The following PLD1 variants were observed in gnomAD, a reference collection of about 807,000 sequenced individuals.
PLD1 encodes choline phosphatase 1.
Under a neutral mutation model 137.1 loss-of-function variants are expected in PLD1, and 112 were observed. The ratio of observed to expected loss-of-function variants is 0.82; its 90% CI spans 0.70 to 0.96. The LOEUF (loss-of-function observed/expected upper bound fraction) is 0.96, where lower values mean the gene tolerates loss of function less well. PLD1 is among the 40% of genes least tolerant of loss of function. The pLI is 0.00. For missense variants in PLD1, 1,321 were observed against 1,342.0 expected (o/e 0.98, Z 0.24); for synonymous variants, 431 against 454.7 (o/e 0.95, Z 0.66).
chr3:171,612,689 T>C lies in PLD1; in HGVS notation c.2729-257A>G, dbSNP rs553092711. Among the ~76,000 whole-genome samples the C allele has an allele frequency of 7.9e-5, 12 of 152,266 alleles. No individual in the cohort carries two copies. In the South Asian group the frequency reaches 2.1e-3, roughly 26 times the overall value. Reference sequence around the variant, plus strand: ...GCTCTTGACATGGTGCTAGCCAATGTGACATGAAGGAAAGCTTCTGAGAAA... The same window carrying C: ...GCTCTTGACATGGTGCTAGCCAATGCGACATGAAGGAAAGCTTCTGAGAAA... On this transcript the variant is annotated intron_variant, in intron 24 of 26. Coordinates refer to ENST00000351298, the MANE Select transcript of PLD1 (RefSeq NM_002662.5). The surrounding 1 kb of genome is among the most constrained non-coding windows in gnomAD (Gnocchi z 4.1).
intron 12 of PLD1, among the ~76,000 whole-genome samples, chr3:171,697,237 C>CTTTTTTTTGT (rs1715795761): frequency 1.0e-5 from 1 of 97,316 alleles, no homozygotes; most frequent in Non-Finnish European, 2.1e-5. Context: ...TTCCGGACAC[C>CTTTTTTTTGT]TTTTTTTTTT....
intron 1 of PLD1, among the ~76,000 whole-genome samples, chr3:171,739,758 C>G (rs1719637322): frequency 6.6e-6 from 1 of 152,034 alleles, no homozygotes; most frequent in African/African-American, 2.4e-5. Context: ...GTAACTTGAC[C>G]AATATTTTAA....
intron 1 of PLD1, among the ~76,000 whole-genome samples, chr3:171,751,717 A>G (rs1456422556): frequency 6.6e-6 from 1 of 152,186 alleles, no homozygotes; most frequent in Non-Finnish European, 1.5e-5. Context: ...AAGTAATTTC[A>G]TGGCCAAGCG....
At chr3:171,780,642 TA>T (rs1220585712) in intron 1 of PLD1, among the ~76,000 whole-genome samples, 1 of 151,992 alleles carries the variant, frequency 6.6e-6, no homozygotes, top group Non-Finnish European at 1.5e-5. Flanking sequence ...AGAGATCAAT[TA>T]TGTCAAAGGA....
At chr3:171,751,031 A>T (rs752405554) in intron 1 of PLD1, among the ~76,000 whole-genome samples, 4 of 152,200 alleles carry the variant, frequency 2.6e-5, no homozygotes, top group Non-Finnish European at 5.9e-5. Context: ...TTCTTGGCAT[A>T]TGACAAAAGT....
rs530577758 is a variant in PLD1 at position 171,639,510 on chromosome 3, A to G, written c.2593+3330T>C. 1.3e-3 allele frequency among the ~76,000 whole-genome samples: 139 copies of G among 107,458 alleles called. 1 individual carries two copies. The highest frequency in any genetic ancestry group is 5.3e-3 in the African/African-American group (131 of 24,756). 70.5% of individuals were successfully genotyped at this position (107,458 alleles called of 152,430 possible). A position where few individuals can be genotyped will look rare whatever the true frequency, so the allele number is the denominator to read the frequency against. On this transcript the variant is annotated intron_variant, in intron 23 of 26. Coordinates refer to ENST00000351298, the MANE Select transcript of PLD1 (RefSeq NM_002662.5). ...AAATATTTTATTTAATACATAATAA[A>G]TAATATATATTCATATAATATATAT...
rs574000758 is a variant in PLD1 at position 171,605,214 on chromosome 3, A to G, written c.3000+85T>C. Reference sequence around the variant, plus strand: ...TTTACGTTTATTAAGAATACCCTGTACCAATAATATGCAGAAATAACAATA... The same window carrying G: ...TTTACGTTTATTAAGAATACCCTGTGCCAATAATATGCAGAAATAACAATA... On this transcript the variant is annotated intron_variant, in intron 26 of 26. Coordinates refer to ENST00000351298, the MANE Select transcript of PLD1 (RefSeq NM_002662.5). 17 of 840,274 alleles carry G rather than the reference A, an allele frequency of 2.0e-5. No individual in the cohort carries two copies. In the South Asian group the frequency reaches 2.0e-4, roughly 10 times the overall value. The allele number at this position is 840,274 out of a possible 1,614,324, so 52.1% of individuals were successfully genotyped here.
At chr3:171,644,794 G>A in intron 22 of PLD1, 116 bp downstream of exon 22, 1 of 687,014 alleles carries the variant, frequency 1.5e-6, no homozygotes, top group East Asian at 2.5e-5. Flanking sequence ...GTAAAATAAA[G>A]TGTTCATTTG....
At chr3:171,608,331 T>C (rs1442549680) in intron 25 of PLD1, among the ~76,000 whole-genome samples, 1 of 122,934 alleles carries the variant, frequency 8.1e-6, no homozygotes, top group African/African-American at 3.7e-5. Flanking sequence ...CTCAATATTA[T>C]AAAGGTGTCA....
rs561294172 is a variant in PLD1, at chr3:171,657,520, G to A, written c.2429+1693C>T. 7.9e-5 allele frequency among the ~76,000 whole-genome samples: 12 copies of A among 152,242 alleles called. No homozygotes were observed. In the South Asian group the frequency reaches 2.3e-3, roughly 29 times the overall value. On this transcript the variant is annotated intron_variant, in intron 21 of 26. Coordinates refer to ENST00000351298, the MANE Select transcript of PLD1 (RefSeq NM_002662.5). ...CAGCCATAAGAAGAAATTGTCCCTG[G>A]TGCCAAGACAATTCAATGTGGAAAG...
At chr3:171,649,750 C>T (rs1216176507) in intron 21 of PLD1, among the ~76,000 whole-genome samples, 1 of 152,200 alleles carries the variant, frequency 6.6e-6, no homozygotes. Context: ...TCTCAGGCTT[C>T]TTGTTAAAAG....
rs1020354877 is a variant in PLD1, at chr3:171,601,041, T to C, written c.*2037A>G. On this transcript the variant is annotated 3_prime_UTR_variant, in exon 27 of 27. Coordinates refer to ENST00000351298, the MANE Select transcript of PLD1 (RefSeq NM_002662.5). Reference sequence around the variant, plus strand: ...GAGGGTTCAAAACAGCTTAGAGGTATCTTGCCTGAATTCTGTTTACTGCAT... The same window carrying C: ...GAGGGTTCAAAACAGCTTAGAGGTACCTTGCCTGAATTCTGTTTACTGCAT... The C allele has an allele frequency of 2.0e-5, 3 of 152,216 alleles. No individual in the cohort carries two copies. Among genetic ancestry groups the C allele is most frequent in the Non-Finnish European group, 4.4e-5 (3 of 68,030 alleles). The allele number at this position is 152,216 out of a possible 1,614,324, so 9.4% of individuals were successfully genotyped here. A position where few individuals can be genotyped will look rare whatever the true frequency, so the allele number is the denominator to read the frequency against.
intron 21 of PLD1, among the ~76,000 whole-genome samples, chr3:171,652,305 C>CG (rs1352300916): frequency 7.3e-5 from 11 of 149,800 alleles, no homozygotes; most frequent in African/African-American, 2.5e-4. Context: ...CCCAGCTACT[C>CG]GGGAGGCTGA....
chr3:171,735,915 GCA>G (rs1335985640), intron 3 of PLD1, among the ~76,000 whole-genome samples: 6 of 152,000 alleles, frequency 3.9e-5, no homozygotes, highest in Admixed American at 6.6e-5. Flanking sequence ...ATGCATCCAC[GCA>G]CACACACACC....
At chr3:171,717,332 T>C (rs1376807395) in intron 8 of PLD1, among the ~76,000 whole-genome samples, 1 of 152,244 alleles carries the variant, frequency 6.6e-6, no homozygotes, top group Admixed American at 6.5e-5. Context: ...TTTCTTCCTA[T>C]CCATGAACAT....
intron 21 of PLD1, among the ~76,000 whole-genome samples, chr3:171,656,156 T>TTTTTTTTTTTTATTTATTTA (rs1553810398): frequency 1.4e-5 from 2 of 145,360 alleles, no homozygotes; most frequent in Non-Finnish European, 3.0e-5. Flanking sequence ...AATACTATAA[T>TTTTTTTTTTTTATTTATTTA]TTTATTTATT....
At chr3:171,675,806 T>A (rs1713284385) in intron 18 of PLD1, among the ~76,000 whole-genome samples, 1 of 151,836 alleles carries the variant, frequency 6.6e-6, no homozygotes, top group Non-Finnish European at 1.5e-5. Flanking sequence ...TCCCTTCAAG[T>A]AAATAAAGTG....
At chr3:171,627,454 A>G (rs1734225063) in intron 23 of PLD1, among the ~76,000 whole-genome samples, 2 of 152,314 alleles carry the variant, frequency 1.3e-5, no homozygotes, top group East Asian at 3.9e-4. Flanking sequence ...GATCAACGAG[A>G]TAGAAAGTTA....
intron 7 of PLD1, among the ~76,000 whole-genome samples, chr3:171,725,771 C>T (rs1251312355): frequency 6.6e-6 from 1 of 152,170 alleles, no homozygotes; most frequent in Non-Finnish European, 1.5e-5. Flanking sequence ...TGAACACTTC[C>T]ACTGTTGGGT....
Sources: gnomAD v4.1 joint callset for allele counts (sites outside exome capture counted in the v4.1 genomes callset) on GRCh38, gnomAD v4.1.1 for gene constraint, Gnocchi (gnomAD v3.1) non-coding constraint, MANE v1.5 for transcripts, NCBI Gene and HGNC (gene_info 2026-07-23, HGNC 2026-07-21) for gene names.